The following BSN variants were observed in gnomAD, a reference collection of about 807,000 sequenced individuals.
BSN encodes bassoon presynaptic cytomatrix protein.
Under a neutral mutation model 264.8 loss-of-function variants are expected in BSN, and 57 were observed. That is an observed-to-expected ratio of 0.22 (90% CI 0.17 to 0.27). The LOEUF is 0.27. Ranked by LOEUF, BSN falls within the 10% of genes least tolerant of loss-of-function variation. BSN has a pLI of 1.00. For synonymous variants in BSN, 2,059 were observed against 2,137.3 expected, an observed-to-expected ratio of 0.96 and a Z score of 1.01; for missense variants, 4,615 against 5,232.5, an observed-to-expected ratio of 0.88 and a Z score of 3.64.
intron 1 of BSN, among the ~76,000 whole-genome samples, chr3:49,583,003 C>G (rs1432537089): frequency 6.7e-6 from 1 of 148,340 alleles, no homozygotes; most frequent in Non-Finnish European, 1.5e-5. Context: ...GGGTCTTGCT[C>G]TGTTCCCAAG....
rs751496202 is a variant in BSN, at chr3:49,657,029, G to T, written c.7473G>T (p.Ala2491=). 1.9e-6 allele frequency: 3 copies of T among 1,610,092 alleles called. No individual in the cohort carries two copies. Among genetic ancestry groups the T allele is most frequent in the Admixed American group, 3.3e-5 (2 of 59,934 alleles). The change falls in exon 5 of 12, where the codon GCG becomes GCT. Residue 2491 remains alanine (A), a synonymous_variant. Transcript: ENST00000296452. ...CACCTGGCCGAGGGCCTCCCCTAGCGGCTGCTGAGTTGGCCCAGAATGGCC... is the reference window on the plus strand; with the variant it reads ...CACCTGGCCGAGGGCCTCCCCTAGCTGCTGCTGAGTTGGCCCAGAATGGCC... ...CEAPGRGPPL[A]AAELAQNGQY...
At chr3:49,568,969 T>G (rs762944523) in intron 1 of BSN, among the ~76,000 whole-genome samples, 1 of 152,072 alleles carries the variant, frequency 6.6e-6, no homozygotes, top group Non-Finnish European at 1.5e-5. Context: ...GGGAAGGGGC[T>G]GAGTAGTAAG....
chr3:49,658,474 C>T (rs1190719687), intron 5 of BSN, among the ~76,000 whole-genome samples: 1 of 152,236 alleles, frequency 6.6e-6, no homozygotes, highest in Non-Finnish European at 1.5e-5. Flanking sequence ...ACTGTCCCTT[C>T]ACCACCCACA....
intron 1 of BSN, among the ~76,000 whole-genome samples, chr3:49,557,779 G>A (rs754322400): frequency 2.0e-5 from 3 of 152,010 alleles, no homozygotes; most frequent in Non-Finnish European, 4.4e-5. Flanking sequence ...GGATTTCACC[G>A]TGGTCTCGAT....
In BSN at chr3:49,653,331, G is replaced by C. The variant is rs1559615178; in HGVS notation, c.3775G>C (p.Glu1259Gln). ...PASLGAAVYEEILQTSQSIVR... is the reference protein window; with the variant it reads ...PASLGAAVYEQILQTSQSIVR... ...CAGCCTGGGAGCAGCCGTGTACGAA[G>C]AAATCCTTCAGACATCACAGAGCAT... Residue 1259 changes from glutamate to glutamine, a missense_variant, in exon 5 of 12, where the codon GAA becomes CAA. Physicochemically the swap from Glu to Gln is conservative, Grantham distance 29. Transcript: ENST00000296452. The surrounding 1 kb of genome is among the most constrained non-coding windows in gnomAD (Gnocchi z 6.3). 3.1e-6 allele frequency: 5 copies of C among 1,612,366 alleles called. No individual in the cohort carries two copies. The highest frequency in any genetic ancestry group is 4.2e-6 in the Non-Finnish European group (5 of 1,179,486).
chr3:49,656,902 G>A lies in BSN; in HGVS notation c.7346G>A (p.Arg2449His), dbSNP rs775673185. The A allele has an allele frequency of 1.7e-5, 28 of 1,600,542 alleles. No individual in the cohort carries two copies. The highest frequency in any genetic ancestry group is 2.4e-5 in the Non-Finnish European group (28 of 1,173,494). ...CAGCGGGAACAGCTAGCGCAGCAGC[G>A]TCTGCAGCTGGAGCAGATCCAGCAG... ...ALQREQLAQQ[R>H]LQLEQIQQLQ... The change falls in exon 5 of 12, where the codon CGT (arginine) becomes CAT (histidine). Residue 2449 changes from arginine to histidine, a missense_variant. Arg to His is a conservative substitution (Grantham distance 29). This residue lies in a region of BSN where 3,415 missense variants were observed against 3,866.4 expected (regional missense o/e 0.88). Transcript: ENST00000296452.
chr3:49,554,770 G>T lies in BSN; in HGVS notation c.168G>T (p.Ala56=), dbSNP rs1270156014. The part of the protein sequence containing the change: ...LPAAGAARST[A]VPPVPGPGPG... ...CGGCGGGAGCAGCGCGGTCGACCGC[G>T]GTACCACCGGTCCCTGGCCCCGGCC... The change falls in exon 1 of 12, where the codon GCG becomes GCT. Residue 56 remains alanine, a synonymous_variant. Transcript: ENST00000296452. 1.2e-5 allele frequency: 15 copies of T among 1,227,612 alleles called. No individual in the cohort carries two copies. Among genetic ancestry groups the T allele is most frequent in the Non-Finnish European group, 1.5e-5 (15 of 985,016 alleles). 76.0% of individuals were successfully genotyped at this position (1,227,612 alleles called of 1,614,324 possible). A position where few individuals can be genotyped will look rare whatever the true frequency, so the allele number is the denominator to read the frequency against.
chr3:49,575,788 G>A (rs964623220), intron 1 of BSN, among the ~76,000 whole-genome samples: 1 of 150,938 alleles, frequency 6.6e-6, no homozygotes. Context: ...CTCCACCTTG[G>A]GTCAACTTCC....
At chr3:49,614,910 A>G (rs765994078) in intron 1 of BSN, among the ~76,000 whole-genome samples, 4 of 152,080 alleles carry the variant, frequency 2.6e-5, no homozygotes, top group Non-Finnish European at 5.9e-5. Context: ...GAGGTCCCCA[A>G]GGTTTACTTT....
intron 1 of BSN, among the ~76,000 whole-genome samples, chr3:49,581,840 AC>A (rs939141991): frequency 4.6e-5 from 7 of 152,074 alleles, no homozygotes; most frequent in Non-Finnish European, 8.8e-5. Flanking sequence ...AACCCAAAAA[AC>A]AAAACAAAAA....
Position 49,660,962 on chromosome 3 carries a change from C to T in BSN, c.9117C>T (p.Ala3039=), listed in dbSNP as rs369827716. 3.7e-6 allele frequency: 6 copies of T among 1,611,818 alleles called. No individual in the cohort carries two copies. Among genetic ancestry groups the T allele is most frequent in the African/African-American group, 1.3e-5 (1 of 74,912 alleles). The change falls in exon 6 of 12, where the codon GCC becomes GCT. Residue 3039 remains alanine (A), a synonymous_variant. Transcript: ENST00000296452. The surrounding 1 kb of genome is among the most constrained non-coding windows in gnomAD (Gnocchi z 7.1). ...AGQFVDFPAT[A]AAPATPSGPT... is the part of the protein sequence containing the mutation. ...AGTTTGTGGACTTCCCTGCCACTGCCGCTGCTCCTGCCACCCCCTCTGGTC... is the reference window on the plus strand; with the variant it reads ...AGTTTGTGGACTTCCCTGCCACTGCTGCTGCTCCTGCCACCCCCTCTGGTC...
intron 1 of BSN, 128 bp from the exon 2 acceptor site, chr3:49,624,847 G>A: frequency 1.2e-6 from 1 of 859,810 alleles, no homozygotes. Flanking sequence ...TGAGGGCCAT[G>A]ATGATTCTTC....
chr3:49,642,967 C>T lies in BSN; in HGVS notation c.1333C>T (p.His445Tyr), dbSNP rs760346634. 1.2e-6 allele frequency: 2 copies of T among 1,614,072 alleles called. No individual in the cohort carries two copies. The highest frequency in any genetic ancestry group is 8.5e-7 in the Non-Finnish European group (1 of 1,180,034). ...TTSPKHGRAE[H>Y]QAASKAAAKP... ...CAGTCCAAAGCATGGCAGAGCAGAA[C>T]ATCAGGCAGCATCGAAGGCTGCTGC... Residue 445 changes from histidine to tyrosine, a missense_variant, in exon 3 of 12, where the codon CAT becomes TAT. Physicochemically the swap from His to Tyr is moderately conservative, Grantham distance 83. This residue lies in a region of BSN where 1,197 missense variants were observed against 1,348.0 expected (regional missense o/e 0.89). Coordinates refer to ENST00000296452, the MANE Select transcript of BSN (RefSeq NM_003458.4). The surrounding 1 kb of genome is among the most constrained non-coding windows in gnomAD (Gnocchi z 7.0).
chr3:49,626,384 T>TC (rs960728147), intron 2 of BSN, among the ~76,000 whole-genome samples: 7 of 151,962 alleles, frequency 4.6e-5, no homozygotes, highest in Non-Finnish European at 7.4e-5. Context: ...TGTTCACAGG[T>TC]CAGGGTCTAT....
Position 49,660,978 on chromosome 3 carries a change from C to T in BSN, c.9133C>T (p.Pro3045Ser). The T allele has an allele frequency of 1.2e-6, 2 of 1,611,710 alleles. No individual in the cohort carries two copies. The highest frequency in any genetic ancestry group is 1.7e-6 in the Non-Finnish European group (2 of 1,179,990). ...TGCCACTGCCGCTGCTCCTGCCACCCCCTCTGGTCCCACTGCCTTCCAGCA... is the reference window on the plus strand; with the variant it reads ...TGCCACTGCCGCTGCTCCTGCCACCTCCTCTGGTCCCACTGCCTTCCAGCA... The part of the protein sequence containing the change: ...FPATAAAPAT[P>S]SGPTAFQQPR... Residue 3045 changes from proline (P) to serine (S), a missense_variant, in exon 6 of 12, where the codon CCC (proline) becomes TCC (serine). Coordinates refer to ENST00000296452, the MANE Select transcript of BSN (RefSeq NM_003458.4). The surrounding 1 kb of genome is among the most constrained non-coding windows in gnomAD (Gnocchi z 7.1).
intron 1 of BSN, among the ~76,000 whole-genome samples, chr3:49,592,471 G>C (rs2051985992): frequency 6.6e-6 from 1 of 151,178 alleles, no homozygotes; most frequent in Non-Finnish European, 1.5e-5. Flanking sequence ...AATACAGAGA[G>C]GGCCGGACGC....
At chr3:49,613,350 A>AGAGAGAGAGAGAGAGAGAGAGAGAGAGAC in intron 1 of BSN, among the ~76,000 whole-genome samples, 1 of 18,054 alleles carries the variant, frequency 5.5e-5, no homozygotes, top group East Asian at 3.8e-3. Context: ...GAGAGAGAGA[A>AGAGAGAGAGAGAGAGAGAGAGAGAGAGAC]GGGCTGGCCC....
chr3:49,585,914 C>G lies in BSN; in HGVS notation c.224+31088C>G, dbSNP rs2051933617. 6.6e-6 allele frequency among the ~76,000 whole-genome samples: 1 copy of G among 152,098 alleles called. No homozygotes were observed. The highest frequency in any genetic ancestry group is 2.4e-5 in the African/African-American group (1 of 41,418). ...TCGTGTGTCTTCTTTTGAGAAATGTCTATTCAGATCTTTTGTTCATTTTTG... is the reference window on the plus strand; with the variant it reads ...TCGTGTGTCTTCTTTTGAGAAATGTGTATTCAGATCTTTTGTTCATTTTTG... On this transcript the variant is annotated intron_variant, in intron 1 of 11. Coordinates refer to ENST00000296452, the MANE Select transcript of BSN (RefSeq NM_003458.4). The surrounding 1 kb of genome is among the most constrained non-coding windows in gnomAD (Gnocchi z 4.7).
chr3:49,662,682 C>T, intron 6 of BSN, 120 bp downstream of exon 6: 1 of 1,479,098 alleles, frequency 6.8e-7, no homozygotes, highest in Non-Finnish European at 8.9e-7. Flanking sequence ...ATCTGGTGGG[C>T]CCTGCTGCAG....
Sources: allele counts gnomAD v4.1 joint callset (sites outside exome capture counted in the v4.1 genomes callset), GRCh38; gene constraint gnomAD v4.1.1; regional missense constraint gnomAD v4.1.1; non-coding constraint Gnocchi (gnomAD v3.1); transcripts MANE v1.5; gene names NCBI Gene and HGNC (gene_info 2026-07-23, HGNC 2026-07-21).